Variants in TNS3 observed in about 807,000 individuals in gnomAD.
TNS3 encodes the protein tensin 3.
A neutral mutation model predicts 140.9 loss-of-function variants in TNS3; 45 were observed. The observed-to-expected ratio is 0.32, with a 90% CI of 0.25 to 0.41. The LOEUF (loss-of-function observed/expected upper bound fraction) is 0.41. Among genes scored for constraint, TNS3 ranks in the 10% least tolerant of loss-of-function variants. The pLI is 1.00. For synonymous variants in TNS3, 815 were observed against 788.4 expected (o/e 1.03, Z -0.56); for missense variants, 1,716 against 1,906.7 (o/e 0.90, Z 1.86).
At chr7:47,546,321 A>G (rs11971069) in intron 1 of TNS3, among the ~76,000 whole-genome samples, 12,046 of 152,186 alleles carry the variant, frequency 0.079, 1,597 homozygotes, top group African/African-American at 0.27. Flanking sequence ...CCCTGGCCTC[A>G]CACACAGTCA....
At chr7:47,398,038 T>A (rs1464993844) in intron 15 of TNS3, among the ~76,000 whole-genome samples, 1 of 152,198 alleles carries the variant, frequency 6.6e-6, no homozygotes, top group South Asian at 2.1e-4. Context: ...AACACCTTTA[T>A]GTATATAAAC....
intron 20 of TNS3, among the ~76,000 whole-genome samples, chr7:47,319,021 C>T (rs17522515): frequency 0.11 from 16,323 of 152,200 alleles, 1,096 homozygotes; most frequent in South Asian, 0.19. Context: ...CTGAACTTTG[C>T]CACAGCCCTT....
At chr7:47,494,014 T>C (rs1797911755) in intron 3 of TNS3, among the ~76,000 whole-genome samples, 1 of 152,232 alleles carries the variant, frequency 6.6e-6, no homozygotes, top group African/African-American at 2.4e-5. Context: ...GCCACCCCTG[T>C]TCACAAAATC....
chr7:47,278,408 T>A lies in TNS3; in HGVS notation c.4194-188A>T, dbSNP rs1784969492. Reference sequence around the variant, plus strand: ...CCTCCAGCCTTCACAGACCTACAGATGGGATGTCTGACTCTAGCTCTGCAG... The same window carrying A: ...CCTCCAGCCTTCACAGACCTACAGAAGGGATGTCTGACTCTAGCTCTGCAG... On this transcript the variant is annotated intron_variant, in intron 30 of 30. Coordinates refer to ENST00000311160, the MANE Select transcript of TNS3 (RefSeq NM_022748.12). The A allele has an allele frequency of 4.8e-6, 3 of 623,384 alleles. No homozygotes were observed. In the Admixed American group the frequency reaches 9.1e-5, roughly 19 times the overall value. 38.6% of individuals were successfully genotyped at this position (623,384 alleles called of 1,614,324 possible). A position where few individuals can be genotyped will look rare whatever the true frequency, so the allele number is the denominator to read the frequency against.
intron 4 of TNS3, among the ~76,000 whole-genome samples, chr7:47,458,090 A>G (rs1796330808): frequency 7.4e-6 from 1 of 135,978 alleles, no homozygotes; most frequent in African/African-American, 2.5e-5. Flanking sequence ...TGCCACATAC[A>G]TGACGTTTAC....
At chr7:47,479,442 A>G (rs1308181817) in intron 4 of TNS3, among the ~76,000 whole-genome samples, 1 of 151,936 alleles carries the variant, frequency 6.6e-6, no homozygotes, top group Non-Finnish European at 1.5e-5. Context: ...GTCAAAACCA[A>G]CTACAAACAC....
intron 4 of TNS3, among the ~76,000 whole-genome samples, chr7:47,467,040 T>C (rs1384547541): frequency 2.0e-5 from 3 of 152,236 alleles, no homozygotes; most frequent in African/African-American, 7.2e-5. Flanking sequence ...GTGTAAGTAG[T>C]ACTTTTGAAA....
At chr7:47,508,461 A>G (rs1023234836) in intron 2 of TNS3, among the ~76,000 whole-genome samples, 1 of 152,222 alleles carries the variant, frequency 6.6e-6, no homozygotes, top group East Asian at 1.9e-4. Context: ...AAAAGTCCAG[A>G]CAGAAACCAT....
At chr7:47,327,489 C>T (rs369914051) in intron 20 of TNS3, among the ~76,000 whole-genome samples, 5 of 152,250 alleles carry the variant, frequency 3.3e-5, no homozygotes, top group Non-Finnish European at 5.9e-5. Flanking sequence ...CCTCAAGGGC[C>T]CTGGAACTGG....
intron 20 of TNS3, among the ~76,000 whole-genome samples, chr7:47,324,209 T>C (rs1250101155): frequency 6.6e-6 from 1 of 152,254 alleles, no homozygotes; most frequent in Admixed American, 6.5e-5. Flanking sequence ...TACCAGCTCA[T>C]GTTTACCGAA....
At chr7:47,296,712 G>T (rs1166884128) in intron 24 of TNS3, among the ~76,000 whole-genome samples, 4 of 152,114 alleles carry the variant, frequency 2.6e-5, no homozygotes, top group Non-Finnish European at 5.9e-5. Flanking sequence ...CCTGCATTTG[G>T]ACAGGTAACC....
chr7:47,488,786 G>T (rs1554340402), intron 3 of TNS3, among the ~76,000 whole-genome samples: 1 of 150,358 alleles, frequency 6.7e-6, no homozygotes, highest in Non-Finnish European at 1.5e-5. Context: ...ACAAGAGCTG[G>T]GTCCCCCAGG....
At chr7:47,363,525 G>A (rs1353443225) in intron 17 of TNS3, among the ~76,000 whole-genome samples, 2 of 152,188 alleles carry the variant, frequency 1.3e-5, no homozygotes, top group South Asian at 2.1e-4. Context: ...TCATAATGAG[G>A]ACATAATCTG....
At chr7:47,336,663 G>A (rs1788648907) in intron 20 of TNS3, among the ~76,000 whole-genome samples, 2 of 152,074 alleles carry the variant, frequency 1.3e-5, no homozygotes, top group Admixed American at 1.3e-4. Flanking sequence ...ATAATACCCT[G>A]TTTTCCATGA....
At chr7:47,366,010 T>C (rs1790678782) in intron 17 of TNS3, among the ~76,000 whole-genome samples, 1 of 152,138 alleles carries the variant, frequency 6.6e-6, no homozygotes, top group Non-Finnish European at 1.5e-5. Context: ...AGTCCTCTTC[T>C]CCACATACAC....
chr7:47,327,022 G>A (rs1788059724), intron 20 of TNS3, among the ~76,000 whole-genome samples: 2 of 152,130 alleles, frequency 1.3e-5, no homozygotes, highest in Non-Finnish European at 1.5e-5. Context: ...TCGGCTGCAG[G>A]GCCAGCAGAA....
chr7:47,531,609 A>T (rs2151944985), intron 1 of TNS3, among the ~76,000 whole-genome samples: 1 of 152,382 alleles, frequency 6.6e-6, no homozygotes, highest in East Asian at 1.9e-4. Context: ...GTGTAATGTG[A>T]CATGTGACAT....
At chr7:47,559,841 A>T (rs905521346) in intron 1 of TNS3, among the ~76,000 whole-genome samples, 11 of 152,188 alleles carry the variant, frequency 7.2e-5, no homozygotes. Context: ...GTAGCATAGG[A>T]CAAGGAAACC....
At chr7:47,433,948 G>A (rs951240824) in intron 8 of TNS3, among the ~76,000 whole-genome samples, 2 of 151,856 alleles carry the variant, frequency 1.3e-5, no homozygotes, top group African/African-American at 4.8e-5. Context: ...CACAATTTGG[G>A]TGAAGGATCC....
Sources: allele counts gnomAD v4.1 joint callset (sites outside exome capture counted in the v4.1 genomes callset), GRCh38; gene constraint gnomAD v4.1.1; transcripts MANE v1.5; gene names NCBI Gene and HGNC (gene_info 2026-07-23, HGNC 2026-07-21).